CDH13: variants seen among roughly 807,000 people sequenced by gnomAD.
CDH13 encodes the protein cadherin 13.
A neutral mutation model predicts 63.8 loss-of-function variants in CDH13; 24 were observed. The observed-to-expected ratio is 0.38, with a 90% CI of 0.27 to 0.53. The LOEUF is 0.53. CDH13 is among the 20% of genes least tolerant of loss of function. The pLI, the probability that CDH13 is intolerant of heterozygous loss-of-function variation, is 0.85. For synonymous variants in CDH13, 503 were observed against 355.3 expected (o/e 1.42, Z -4.67); for missense variants, 1,049 against 903.1 (o/e 1.16, Z -2.07).
chr16:83,518,347 G>A (rs148511854), intron 7 of CDH13, among the ~76,000 whole-genome samples: 3,094 of 151,170 alleles, frequency 0.02, 123 homozygotes, highest in African/African-American at 0.071. Context: ...GGGTTTCATC[G>A]TGTTAGCCAG....
At chr16:83,484,930 G>T (rs75642005) in intron 6 of CDH13, among the ~76,000 whole-genome samples, 1 of 152,314 alleles carries the variant, frequency 6.6e-6, no homozygotes, top group Non-Finnish European at 1.5e-5. Context: ...AGGTCAATGG[G>T]AAACAGAACC....
chr16:82,767,884 G>A (rs896108043), intron 1 of CDH13, among the ~76,000 whole-genome samples: 1 of 152,178 alleles, frequency 6.6e-6, no homozygotes, highest in Non-Finnish European at 1.5e-5. Context: ...TTTCCAGGGA[G>A]GGGCTAGACC....
At chr16:82,867,427 T>C (rs939380790) in intron 2 of CDH13, among the ~76,000 whole-genome samples, 72 of 152,224 alleles carry the variant, frequency 4.7e-4, no homozygotes, top group Admixed American at 4.5e-3. Flanking sequence ...CTCTGTATTA[T>C]AGAAGAATTA....
At chr16:83,090,839 C>G (rs994690507) in intron 3 of CDH13, among the ~76,000 whole-genome samples, 2 of 151,630 alleles carry the variant, frequency 1.3e-5, no homozygotes, top group African/African-American at 4.8e-5. Flanking sequence ...CGGAAACATA[C>G]GCTTTTTAAG....
At position 83,797,889 on chromosome 16, in the gene CDH13, T is replaced by C. The variant is rs1904290273; in HGVS notation, c.*2859T>C. ...GATAAATTAATTATTTTGGATAATTTGTTTTAATAAGAATATGCACACATT... is the reference window on the plus strand; with the variant it reads ...GATAAATTAATTATTTTGGATAATTCGTTTTAATAAGAATATGCACACATT... On this transcript the variant is annotated 3_prime_UTR_variant, in exon 14 of 14. Transcript: ENST00000567109. 6.6e-6 allele frequency: 1 copy of C among 152,252 alleles called. No homozygotes were observed. The highest frequency in any genetic ancestry group is 6.5e-5 in the Admixed American group (1 of 15,288). 9.4% of individuals were successfully genotyped at this position (152,252 alleles called of 1,614,324 possible). A position where few individuals can be genotyped will look rare whatever the true frequency, so the allele number is the denominator to read the frequency against.
intron 2 of CDH13, chr16:82,925,812 G>C (rs1219706404): frequency 6.6e-6 from 1 of 151,922 alleles, no homozygotes; most frequent in East Asian, 1.9e-4. Context: ...TGATTCACTG[G>C]CTCCAGGTCT....
intron 7 of CDH13, among the ~76,000 whole-genome samples, chr16:83,569,921 G>C (rs1904417170): frequency 6.6e-6 from 1 of 152,114 alleles, no homozygotes. Context: ...ATTTTTAATA[G>C]AGACAGGGTT....
intron 5 of CDH13, among the ~76,000 whole-genome samples, chr16:83,342,580 G>A (rs1004206126): frequency 1.3e-5 from 2 of 152,116 alleles, no homozygotes; most frequent in African/African-American, 2.4e-5. Flanking sequence ...TGCATAATTG[G>A]TTTTCTGAGA....
intron 8 of CDH13, among the ~76,000 whole-genome samples, chr16:83,660,705 T>G (rs1913358496): frequency 6.6e-6 from 1 of 152,248 alleles, no homozygotes; most frequent in South Asian, 2.1e-4. Flanking sequence ...CAGACTATGT[T>G]ATTGTTTCTT....
intron 4 of CDH13, among the ~76,000 whole-genome samples, chr16:83,207,946 C>G (rs2039230959): frequency 6.6e-6 from 1 of 152,146 alleles, no homozygotes; most frequent in African/African-American, 2.4e-5. Flanking sequence ...AAAATGACCA[C>G]TAAAAGATGA....
intron 6 of CDH13, among the ~76,000 whole-genome samples, chr16:83,379,831 C>A (rs138751781): frequency 6.7e-6 from 1 of 149,360 alleles, no homozygotes; most frequent in Non-Finnish European, 1.5e-5. Flanking sequence ...AAGGAATGAA[C>A]GAAATATTAT....
At chr16:83,317,255 C>T (rs997737695) in intron 5 of CDH13, among the ~76,000 whole-genome samples, 5 of 152,176 alleles carry the variant, frequency 3.3e-5, no homozygotes, top group Admixed American at 6.5e-5. Context: ...AGTCTGGAAG[C>T]CCACATAAGG....
chr16:83,733,013 TACA>T (rs1400428655), intron 10 of CDH13, among the ~76,000 whole-genome samples: 1 of 152,184 alleles, frequency 6.6e-6, no homozygotes, highest in Non-Finnish European at 1.5e-5. Context: ...GTGTGAAAAT[TACA>T]ACATCAGATA....
At chr16:83,432,542 G>A (rs113875389) in intron 6 of CDH13, among the ~76,000 whole-genome samples, 1 of 152,310 alleles carries the variant, frequency 6.6e-6, no homozygotes, top group Non-Finnish European at 1.5e-5. Context: ...CACAGCTGCT[G>A]TAAACAGAGT....
chr16:82,848,109 A>G (rs2039339398), intron 1 of CDH13, among the ~76,000 whole-genome samples: 1 of 152,214 alleles, frequency 6.6e-6, no homozygotes, highest in Non-Finnish European at 1.5e-5. Flanking sequence ...ACAATGAAAA[A>G]TGTTATGTAT....
intron 9 of CDH13, among the ~76,000 whole-genome samples, chr16:83,675,149 A>T (rs537931596): frequency 7.9e-5 from 12 of 152,300 alleles, no homozygotes; most frequent in African/African-American, 2.6e-4. Context: ...TCCCTGACAC[A>T]GAGGCCCAGC....
At chr16:83,530,900 A>G (rs1263561490) in intron 7 of CDH13, among the ~76,000 whole-genome samples, 1 of 152,226 alleles carries the variant, frequency 6.6e-6, no homozygotes. Context: ...AGAGCTGTGC[A>G]TTCACACAGA....
intron 4 of CDH13, among the ~76,000 whole-genome samples, chr16:83,177,848 AGTAT>A (rs2038190664): frequency 6.6e-6 from 1 of 152,226 alleles, no homozygotes; most frequent in Admixed American, 6.5e-5. Context: ...TATTTGCAGT[AGTAT>A]TACCTAATAC....
intron 2 of CDH13, among the ~76,000 whole-genome samples, chr16:83,010,232 A>G (rs1914007713): frequency 1.3e-5 from 2 of 151,084 alleles, no homozygotes; most frequent in Admixed American, 6.6e-5. Context: ...CATGCTGCTG[A>G]TCCTGGCACA....
Sources: gnomAD v4.1 joint callset for allele counts (sites outside exome capture counted in the v4.1 genomes callset) on GRCh38, gnomAD v4.1.1 for gene constraint, MANE v1.5 for transcripts, NCBI Gene and HGNC (gene_info 2026-07-23, HGNC 2026-07-21) for gene names.